Variants in CACNA2D3 observed in about 807,000 individuals in gnomAD.
CACNA2D3 encodes voltage-dependent calcium channel subunit alpha-2/delta-3.
CACNA2D3 carries 60 observed loss-of-function variants against 160.6 expected under a neutral mutation model. The observed-to-expected ratio is 0.37, with a 90% CI of 0.30 to 0.46. CACNA2D3 has a LOEUF of 0.46. Ranked by LOEUF, CACNA2D3 falls within the 20% of genes least tolerant of loss-of-function variation. CACNA2D3 has a pLI of 1.00. For synonymous variants in CACNA2D3, 558 were observed against 492.9 expected (o/e 1.13, Z -1.75); for missense variants, 1,205 against 1,365.0 (o/e 0.88, Z 1.85).
At chr3:54,744,026 TTAA>T (rs1203319885) in intron 11 of CACNA2D3, among the ~76,000 whole-genome samples, 3 of 152,216 alleles carry the variant, frequency 2.0e-5, no homozygotes, top group Non-Finnish European at 4.4e-5. Context: ...ATGCAAAGGC[TTAA>T]TGATGTGATG....
intron 2 of CACNA2D3, 108 bp downstream of exon 2, chr3:54,123,702 G>GAGTCCTCC: frequency 1.1e-6 from 1 of 889,174 alleles, no homozygotes; most frequent in South Asian, 1.3e-5. Context: ...AGTTATCGGA[G>GAGTCCTCC]GACTCTCTGA....
At chr3:54,928,870 G>A (rs985242345) in intron 27 of CACNA2D3, among the ~76,000 whole-genome samples, 3 of 152,080 alleles carry the variant, frequency 2.0e-5, no homozygotes, top group Non-Finnish European at 4.4e-5. Context: ...GGCGTCAGTC[G>A]ACTGTGACTC....
intron 2 of CACNA2D3, among the ~76,000 whole-genome samples, chr3:54,167,452 C>T (rs1303172490): frequency 6.6e-6 from 1 of 152,164 alleles, no homozygotes; most frequent in Non-Finnish European, 1.5e-5. Flanking sequence ...CATTGCCATA[C>T]ACCGCAGAGC....
intron 32 of CACNA2D3, among the ~76,000 whole-genome samples, chr3:55,005,431 T>C (rs1417489764): frequency 1.3e-5 from 2 of 152,214 alleles, no homozygotes; most frequent in Non-Finnish European, 2.9e-5. Context: ...GGAGAAGTTT[T>C]GTTAATTCTC....
At chr3:54,696,980 A>G (rs546082132) in intron 11 of CACNA2D3, among the ~76,000 whole-genome samples, 4 of 152,188 alleles carry the variant, frequency 2.6e-5, no homozygotes, top group African/African-American at 9.6e-5. Context: ...GCTCTCTTAA[A>G]AAAATCAGAT....
At chr3:54,441,309 C>A (rs1487548513) in intron 4 of CACNA2D3, among the ~76,000 whole-genome samples, 1 of 152,134 alleles carries the variant, frequency 6.6e-6, no homozygotes, top group Non-Finnish European at 1.5e-5. Flanking sequence ...GTGTTCATAT[C>A]CTTCACCCAC....
intron 28 of CACNA2D3, among the ~76,000 whole-genome samples, chr3:54,969,094 A>G (rs1463202576): frequency 6.6e-6 from 1 of 152,158 alleles, no homozygotes; most frequent in Non-Finnish European, 1.5e-5. Flanking sequence ...ATCATCCTTT[A>G]AATTAAGATA....
At chr3:54,622,984 G>A (rs911946351) in intron 9 of CACNA2D3, among the ~76,000 whole-genome samples, 1 of 152,188 alleles carries the variant, frequency 6.6e-6, no homozygotes, top group Non-Finnish European at 1.5e-5. Context: ...GGGGCATAGG[G>A]GAGAAGAGGA....
intron 26 of CACNA2D3, 156 bp downstream of exon 26, chr3:54,897,026 A>G (rs758800033): frequency 4.4e-5 from 35 of 788,118 alleles, no homozygotes; most frequent in Middle Eastern, 7.8e-4. Flanking sequence ...ACCAGTGACC[A>G]GTTCCATAAG....
intron 11 of CACNA2D3, among the ~76,000 whole-genome samples, chr3:54,642,966 A>G (rs929865241): frequency 3.3e-5 from 5 of 152,054 alleles, no homozygotes; most frequent in Non-Finnish European, 4.4e-5. Flanking sequence ...CATGTTTTTA[A>G]CAAGTTTCTC....
At chr3:54,661,115 G>A (rs1411388056) in intron 11 of CACNA2D3, among the ~76,000 whole-genome samples, 1 of 152,126 alleles carries the variant, frequency 6.6e-6, no homozygotes, top group Admixed American at 6.5e-5. Context: ...TTAGCCAAAT[G>A]GCCAGGAAGG....
At chr3:54,968,213 T>C (rs1163690152) in intron 27 of CACNA2D3, among the ~76,000 whole-genome samples, 1 of 152,116 alleles carries the variant, frequency 6.6e-6, no homozygotes, top group South Asian at 2.1e-4. Flanking sequence ...AAGTAACATG[T>C]CTCCAAAGAG....
At chr3:55,025,347 G>A (rs80169262) in intron 35 of CACNA2D3, among the ~76,000 whole-genome samples, 2 of 152,148 alleles carry the variant, frequency 1.3e-5, no homozygotes, top group East Asian at 3.9e-4. Flanking sequence ...ATACAAAGGT[G>A]AAGGCTGGGC....
intron 16 of CACNA2D3, among the ~76,000 whole-genome samples, chr3:54,839,085 G>A (rs967812919): frequency 6.6e-6 from 1 of 152,000 alleles, no homozygotes; most frequent in South Asian, 2.1e-4. Context: ...GTGAAACCCC[G>A]TCTCTACTAA....
At chr3:54,796,841 A>C (rs1702875288) in intron 13 of CACNA2D3, among the ~76,000 whole-genome samples, 1 of 152,206 alleles carries the variant, frequency 6.6e-6, no homozygotes, top group Admixed American at 6.5e-5. Context: ...AGGAAATGGA[A>C]GGACAAAATT....
chr3:54,357,999 C>T (rs1234462222), intron 3 of CACNA2D3, among the ~76,000 whole-genome samples: 1 of 152,142 alleles, frequency 6.6e-6, no homozygotes, highest in Non-Finnish European at 1.5e-5. Flanking sequence ...GGACACATGT[C>T]AAAACCCACA....
intron 27 of CACNA2D3, among the ~76,000 whole-genome samples, chr3:54,953,489 C>T (rs570764135): frequency 1.3e-5 from 2 of 152,256 alleles, no homozygotes; most frequent in South Asian, 2.1e-4. Context: ...GAAGCCTTCG[C>T]GCTTGGTGGT....
intron 17 of CACNA2D3, among the ~76,000 whole-genome samples, chr3:54,860,145 G>A (rs1310301313): frequency 6.6e-6 from 1 of 152,150 alleles, no homozygotes; most frequent in Non-Finnish European, 1.5e-5. Context: ...GGCCCAGTGA[G>A]CTAAGCTGGA....
At chr3:54,820,091 C>T (rs766853490) in intron 14 of CACNA2D3, among the ~76,000 whole-genome samples, 38 of 152,276 alleles carry the variant, frequency 2.5e-4, no homozygotes, top group East Asian at 1.2e-3. Context: ...AAGAGAGGCA[C>T]CCCCAGCCAC....
Sources: allele counts gnomAD v4.1 joint callset (sites outside exome capture counted in the v4.1 genomes callset), GRCh38; gene constraint gnomAD v4.1.1; transcripts MANE v1.5; gene names NCBI Gene and HGNC (gene_info 2026-07-23, HGNC 2026-07-21).